Variants in AOPEP observed in about 807,000 individuals in gnomAD.
AOPEP encodes aminopeptidase O.
Under a neutral mutation model 98.1 loss-of-function variants are expected in AOPEP, and 77 were observed. The observed-to-expected ratio is 0.78, with a 90% CI of 0.65 to 0.95. The LOEUF (loss-of-function observed/expected upper bound fraction) is 0.95, where lower values mean the gene tolerates loss of function less well. Ranked by LOEUF, AOPEP falls within the 40% of genes least tolerant of loss-of-function variation. The pLI is 0.00. For missense variants in AOPEP, 1,024 were observed against 1,024.7 expected (o/e 1.00, Z 0.01); for synonymous variants, 346 against 365.3 (o/e 0.95, Z 0.60).
At position 94,914,323 on chromosome 9, in the gene AOPEP, G is replaced by A. The variant is rs1026010700; in HGVS notation, c.1365-9663G>A. On this transcript the variant is annotated intron_variant, in intron 5 of 16. Coordinates refer to ENST00000375315, the MANE Select transcript of AOPEP (RefSeq NM_001193329.3). ...TGGAGAGCCCAAGCCCTGTCTGAAA[G>A]GACCAGCTCCGATTCAGCTGCAGTT... Among the ~76,000 whole-genome samples, 7 of 152,352 alleles carry A rather than the reference G, an allele frequency of 4.6e-5. No homozygotes were observed. In the East Asian group the frequency reaches 1.2e-3, roughly 25 times the overall value.
chr9:94,945,635 GA>G (rs2057533180), intron 7 of AOPEP, among the ~76,000 whole-genome samples: 1 of 152,086 alleles, frequency 6.6e-6, no homozygotes, highest in African/African-American at 2.4e-5. Flanking sequence ...ACTGAGGAGG[GA>G]AAAGTCCTTC....
At chr9:95,035,016 A>G (rs899258520) in intron 13 of AOPEP, among the ~76,000 whole-genome samples, 8 of 149,186 alleles carry the variant, frequency 5.4e-5, no homozygotes, top group African/African-American at 2.0e-4. Context: ...TCTAGGATAC[A>G]TGTGCAGCCT....
intron 2 of AOPEP, among the ~76,000 whole-genome samples, chr9:94,767,229 G>A (rs1401209882): frequency 6.6e-6 from 1 of 152,156 alleles, no homozygotes; most frequent in East Asian, 1.9e-4. Flanking sequence ...TGCAGAGTCG[G>A]AATCATGAGT....
At chr9:95,110,856 C>T in the AOPEP span, 1 of 1,183,362 alleles carries the variant, frequency 8.5e-7, no homozygotes, top group Non-Finnish European at 1.1e-6. Flanking sequence ...CATAAAATAA[C>T]AACTGTCTTT....
chr9:94,840,423 A>G (rs2042140218), intron 5 of AOPEP, among the ~76,000 whole-genome samples: 3 of 152,122 alleles, frequency 2.0e-5, no homozygotes, highest in South Asian at 2.1e-4. Context: ...GTATTTTTGC[A>G]TCTGTGTTCA....
chr9:94,961,185 T>C (rs954393887), intron 9 of AOPEP, among the ~76,000 whole-genome samples: 11 of 152,170 alleles, frequency 7.2e-5, no homozygotes, highest in Non-Finnish European at 1.3e-4. Context: ...ATCCTGCTTT[T>C]CCCCCTTTCT....
At chr9:94,894,510 C>G (rs545073611) in intron 5 of AOPEP, among the ~76,000 whole-genome samples, 5 of 151,994 alleles carry the variant, frequency 3.3e-5, no homozygotes, top group African/African-American at 1.2e-4. Context: ...AAATTGATAC[C>G]GAATGAATTA....
At chr9:94,934,288 T>A (rs938429520) in intron 7 of AOPEP, among the ~76,000 whole-genome samples, 3 of 144,318 alleles carry the variant, frequency 2.1e-5, no homozygotes, top group Non-Finnish European at 3.0e-5. Context: ...TCCCTCTAAC[T>A]GCTGACTATG....
At chr9:94,830,584 G>T (rs1275961904) in intron 5 of AOPEP, among the ~76,000 whole-genome samples, 1 of 152,100 alleles carries the variant, frequency 6.6e-6, no homozygotes, top group East Asian at 1.9e-4. Context: ...CATCCTATTT[G>T]GGTCGAATGG....
At chr9:95,093,390 C>T in the AOPEP span, among the ~76,000 whole-genome samples, 2 of 152,150 alleles carry the variant, frequency 1.3e-5, no homozygotes, top group Non-Finnish European at 2.9e-5. Context: ...AACAAAAGCA[C>T]CACCACGGTG....
chr9:94,988,315 G>A (rs1327235769), intron 11 of AOPEP, among the ~76,000 whole-genome samples: 5 of 152,132 alleles, frequency 3.3e-5, no homozygotes, highest in Non-Finnish European at 5.9e-5. Context: ...TTGGGAAGTC[G>A]GCAGGGAGAG....
chr9:94,744,521 A>G (rs751745130), intron 1 of AOPEP, among the ~76,000 whole-genome samples: 1 of 151,762 alleles, frequency 6.6e-6, no homozygotes, highest in Admixed American at 6.6e-5. Context: ...ACCAACATGG[A>G]GAAACCCCGT....
At chr9:94,996,720 T>C (rs529141210) in intron 11 of AOPEP, among the ~76,000 whole-genome samples, 1 of 152,352 alleles carries the variant, frequency 6.6e-6, no homozygotes, top group African/African-American at 2.4e-5. Flanking sequence ...TTTTGTGTTT[T>C]TCAGTAGTAA....
At chr9:94,748,376 C>A (rs1381521972) in intron 1 of AOPEP, among the ~76,000 whole-genome samples, 1 of 152,048 alleles carries the variant, frequency 6.6e-6, no homozygotes, top group East Asian at 1.9e-4. Context: ...TGTAAATAAA[C>A]TTTTGAAGCT....
At chr9:94,933,504 C>T (rs117551075) in intron 7 of AOPEP, 32,736 of 985,352 alleles carry the variant, frequency 0.033, 594 homozygotes, top group Non-Finnish European at 0.036. Context: ...AACTCTTAAT[C>T]TTAGCTGCTG....
the AOPEP span, among the ~76,000 whole-genome samples, chr9:95,137,610 G>C: frequency 6.6e-6 from 1 of 152,206 alleles, no homozygotes; most frequent in African/African-American, 2.4e-5. Flanking sequence ...AGATCAGTTT[G>C]AGGTGTGTGG....
intron 5 of AOPEP, among the ~76,000 whole-genome samples, chr9:94,807,586 T>C (rs561337909): frequency 2.7e-4 from 41 of 152,304 alleles, no homozygotes; most frequent in Admixed American, 1.1e-3. Context: ...AAAGGCTTTT[T>C]CCCCCGCCTT....
intron 5 of AOPEP, among the ~76,000 whole-genome samples, chr9:94,857,357 T>C (rs1048538141): frequency 3.3e-5 from 5 of 152,340 alleles, no homozygotes; most frequent in African/African-American, 1.2e-4. Context: ...TGCAGAGCCA[T>C]ATTGACAACA....
the AOPEP span, chr9:95,107,649 T>C: frequency 6.0e-5 from 23 of 386,350 alleles, no homozygotes; most frequent in Non-Finnish European, 9.3e-5. Flanking sequence ...CCCCACGCAG[T>C]CAGACCTCCG....
Sources: gnomAD v4.1 joint callset for allele counts (sites outside exome capture counted in the v4.1 genomes callset) on GRCh38, gnomAD v4.1.1 for gene constraint, MANE v1.5 for transcripts, NCBI Gene and HGNC (gene_info 2026-07-23, HGNC 2026-07-21) for gene names.